PLCL1: variants seen among roughly 807,000 people sequenced by gnomAD.
PLCL1 encodes the protein phospholipase C like 1 (inactive).
Under a neutral mutation model 84.4 loss-of-function variants are expected in PLCL1, and 41 were observed. The ratio of observed to expected loss-of-function variants is 0.49; its 90% CI spans 0.38 to 0.63. The LOEUF (loss-of-function observed/expected upper bound fraction) is 0.63. Ranked by LOEUF, PLCL1 falls within the 30% of genes least tolerant of loss-of-function variation. PLCL1 has a pLI of 0.00. For missense variants in PLCL1, 1,206 were observed against 1,367.8 expected (o/e 0.88, Z 1.87); for synonymous variants, 490 against 488.3 (o/e 1.00, Z -0.05).
intron 1 of PLCL1, among the ~76,000 whole-genome samples, chr2:198,075,199 C>G (rs753688262): frequency 3.3e-5 from 5 of 152,306 alleles, no homozygotes; most frequent in Non-Finnish European, 5.9e-5. Context: ...TGAGGAAGGA[C>G]AGAATCGTAT....
At chr2:197,963,255 A>T (rs770964650) in intron 1 of PLCL1, among the ~76,000 whole-genome samples, 5 of 151,874 alleles carry the variant, frequency 3.3e-5, no homozygotes, top group African/African-American at 4.8e-5. Flanking sequence ...TTTGTTATTG[A>T]CTGAATTTGG....
intron 1 of PLCL1, among the ~76,000 whole-genome samples, chr2:197,940,917 G>A (rs187417741): frequency 1.6e-3 from 239 of 152,312 alleles, no homozygotes; most frequent in Non-Finnish European, 1.4e-3. Flanking sequence ...TTATTTAAAT[G>A]ATGAAAGTAT....
chr2:197,874,000 G>C (rs530718663), intron 1 of PLCL1, among the ~76,000 whole-genome samples: 3 of 152,080 alleles, frequency 2.0e-5, no homozygotes, highest in African/African-American at 7.2e-5. Flanking sequence ...CTTTAGTAAC[G>C]CAATATTATC....
chr2:197,986,879 A>G (rs985079973), intron 1 of PLCL1, among the ~76,000 whole-genome samples: 1 of 152,196 alleles, frequency 6.6e-6, no homozygotes, highest in Non-Finnish European at 1.5e-5. Context: ...TTCAAATAAC[A>G]TAATCACCTT....
intron 1 of PLCL1, among the ~76,000 whole-genome samples, chr2:197,854,295 C>A (rs781603038): frequency 2.6e-5 from 4 of 152,170 alleles, no homozygotes; most frequent in Non-Finnish European, 1.5e-5. Context: ...CTTTTCCCAA[C>A]AAGTGGAATA....
At chr2:197,882,631 A>C (rs1209764269) in intron 1 of PLCL1, among the ~76,000 whole-genome samples, 1 of 152,200 alleles carries the variant, frequency 6.6e-6, no homozygotes, top group East Asian at 1.9e-4. Flanking sequence ...TTACTCCCAA[A>C]TGTATAGGCA....
chr2:197,903,697 G>T (rs1559040708), intron 1 of PLCL1, among the ~76,000 whole-genome samples: 1 of 121,218 alleles, frequency 8.2e-6, no homozygotes, highest in Non-Finnish European at 1.6e-5. Flanking sequence ...TAGAGACAGG[G>T]TTTCACCGTG....
chr2:197,868,584 T>C (rs147230850), intron 1 of PLCL1, among the ~76,000 whole-genome samples: 2 of 152,236 alleles, frequency 1.3e-5, no homozygotes, highest in East Asian at 3.9e-4. Flanking sequence ...GACTGGAGCC[T>C]CATCTCCTGG....
Position 197,888,353 on chromosome 2 carries a change from T to C in PLCL1, c.240+83014T>C, listed in dbSNP as rs147512548. Among the ~76,000 whole-genome samples, 286 of 152,336 alleles carry C rather than the reference T, an allele frequency of 1.9e-3. 1 individual carries two copies. The highest frequency in any genetic ancestry group is 6.5e-3 in the African/African-American group (269 of 41,578). On this transcript the variant is annotated intron_variant, in intron 1 of 5. Coordinates refer to ENST00000428675, the MANE Select transcript of PLCL1 (RefSeq NM_006226.4). The stretch of plus-strand genomic sequence containing the variant: ...AATATTTGTTCCCAGTTAATTGTTA[T>C]GGTGTTTATGAGCAACCGTCTACAT...
At chr2:197,883,581 T>C (rs1687868249) in intron 1 of PLCL1, among the ~76,000 whole-genome samples, 1 of 152,196 alleles carries the variant, frequency 6.6e-6, no homozygotes, top group Non-Finnish European at 1.5e-5. Flanking sequence ...TGTATTATAC[T>C]TGCCAAAGGA....
intron 1 of PLCL1, among the ~76,000 whole-genome samples, chr2:197,974,535 A>C (rs1409489238): frequency 2.6e-5 from 4 of 152,234 alleles, no homozygotes; most frequent in Non-Finnish European, 4.4e-5. Context: ...ATTAGAGCTA[A>C]TTTGCAAGTA....
chr2:197,904,802 TGAA>T (rs900639831), intron 1 of PLCL1, among the ~76,000 whole-genome samples: 2 of 152,200 alleles, frequency 1.3e-5, no homozygotes, highest in Admixed American at 6.5e-5. Flanking sequence ...AAAAAATTTT[TGAA>T]GAAAAATTTT....
In PLCL1 at chr2:197,931,533, C is replaced by A. The variant is rs188769748; in HGVS notation, c.240+126194C>A. ...TTTTTATGGCAGAAGCTACCAGTACCTTTATACAAATGATCTTGGTGGGGT... is the reference window on the plus strand; with the variant it reads ...TTTTTATGGCAGAAGCTACCAGTACATTTATACAAATGATCTTGGTGGGGT... On this transcript the variant is annotated intron_variant, in intron 1 of 5. Transcript: ENST00000428675. Among the ~76,000 whole-genome samples the A allele has an allele frequency of 2.2e-3, 337 of 152,108 alleles. 3 individuals carry two copies. Among genetic ancestry groups the A allele is most frequent in the African/African-American group, 7.6e-3 (314 of 41,502 alleles).
intron 5 of PLCL1, among the ~76,000 whole-genome samples, chr2:198,132,878 G>A (rs972223634): frequency 2.6e-5 from 4 of 151,588 alleles, no homozygotes; most frequent in Non-Finnish European, 4.4e-5. Flanking sequence ...ATTGCTTTTG[G>A]TGTTTTGGAC....
intron 1 of PLCL1, among the ~76,000 whole-genome samples, chr2:197,994,269 A>G (rs1430477097): frequency 1.3e-5 from 2 of 152,162 alleles, no homozygotes; most frequent in African/African-American, 4.8e-5. Context: ...AAATCTAGGA[A>G]ACTGCAATCT....
chr2:198,052,183 A>AT (rs1691950311), intron 1 of PLCL1, among the ~76,000 whole-genome samples: 1 of 152,126 alleles, frequency 6.6e-6, no homozygotes, highest in Non-Finnish European at 1.5e-5. Flanking sequence ...AAGTGCTGGG[A>AT]TTACAGGCGT....
intron 5 of PLCL1, among the ~76,000 whole-genome samples, chr2:198,109,452 C>T (rs1693564117): frequency 6.6e-6 from 1 of 151,776 alleles, no homozygotes; most frequent in South Asian, 2.1e-4. Context: ...TGGTTGTTAA[C>T]ATAATATTAA....
chr2:197,953,787 A>AT (rs940411629), intron 1 of PLCL1, among the ~76,000 whole-genome samples: 2 of 151,328 alleles, frequency 1.3e-5, no homozygotes, highest in Non-Finnish European at 2.9e-5. Context: ...AAGGATCAAC[A>AT]TTTTTTCTAT....
At chr2:198,004,148 T>A (rs373655767) in intron 1 of PLCL1, among the ~76,000 whole-genome samples, 7 of 151,656 alleles carry the variant, frequency 4.6e-5, no homozygotes, top group Admixed American at 1.3e-4. Flanking sequence ...CTTTTTTTTT[T>A]AAAAGCAAGT....
Sources: gnomAD v4.1 joint callset for allele counts (sites outside exome capture counted in the v4.1 genomes callset) on GRCh38, gnomAD v4.1.1 for gene constraint, MANE v1.5 for transcripts, NCBI Gene and HGNC (gene_info 2026-07-23, HGNC 2026-07-21) for gene names.